SCFD2: variants seen among roughly 807,000 people sequenced by gnomAD.
SCFD2 encodes sec1 family domain containing 2.
In SCFD2, 54 loss-of-function variants were observed where a neutral mutation model predicts 58.9. That is an observed-to-expected ratio of 0.92 (90% CI 0.74 to 1.15). The LOEUF is 1.15. SCFD2 is among the 50% of genes most tolerant of loss of function. The pLI is 0.00. For missense variants in SCFD2, 805 were observed against 836.6 expected, an observed-to-expected ratio of 0.96 and a Z score of 0.47; for synonymous variants, 321 against 335.9, an observed-to-expected ratio of 0.96 and a Z score of 0.49.
At chr4:53,019,479 C>A (rs970480215) in intron 5 of SCFD2, among the ~76,000 whole-genome samples, 1 of 152,172 alleles carries the variant, frequency 6.6e-6, no homozygotes, top group East Asian at 1.9e-4. Flanking sequence ...TACTTTTCTA[C>A]CATAAATAGA....
chr4:53,247,180 G>A (rs1187299505), intron 4 of SCFD2, among the ~76,000 whole-genome samples: 2 of 152,120 alleles, frequency 1.3e-5, no homozygotes, highest in East Asian at 3.9e-4. Flanking sequence ...GATCATTAGA[G>A]AAATGCAAAT....
intron 5 of SCFD2, among the ~76,000 whole-genome samples, chr4:53,104,489 AC>A (rs1724928027): frequency 6.6e-6 from 1 of 152,220 alleles, no homozygotes; most frequent in African/African-American, 2.4e-5. Flanking sequence ...GTAATATGGC[AC>A]CCTGGATGGA....
At chr4:53,008,731 A>G (rs1048430215) in intron 5 of SCFD2, among the ~76,000 whole-genome samples, 21 of 152,262 alleles carry the variant, frequency 1.4e-4, no homozygotes, top group African/African-American at 5.1e-4. Context: ...TTGAATGCTT[A>G]GCCAGGTTTT....
chr4:52,978,411 A>G (rs1298853395), intron 5 of SCFD2, among the ~76,000 whole-genome samples: 1 of 152,174 alleles, frequency 6.6e-6, no homozygotes, highest in Non-Finnish European at 1.5e-5. Flanking sequence ...TGAATTATGT[A>G]TATCTTAGCC....
In SCFD2 at chr4:53,214,147, A is replaced by T. The variant is rs531669074; in HGVS notation, c.1311+59679T>A. On this transcript the variant is annotated intron_variant, in intron 4 of 8. Transcript: ENST00000401642. ...GCATGTGTCTTTATAGCAGCATGAT[A>T]TATACTCCTTTGGGTATATACCCAG... Among the ~76,000 whole-genome samples, 368 of 152,180 alleles carry T rather than the reference A, an allele frequency of 2.4e-3. 5 individuals are homozygous for T. The highest frequency in any genetic ancestry group is 8.2e-3 in the African/African-American group (339 of 41,488).
intron 5 of SCFD2, chr4:52,945,756 A>C (rs941429451): frequency 2.0e-5 from 3 of 152,224 alleles, no homozygotes; most frequent in African/African-American, 7.2e-5. Flanking sequence ...GCCATGAAAA[A>C]TAACGTAAGT....
At chr4:52,999,055 G>T (rs1451513989) in intron 5 of SCFD2, among the ~76,000 whole-genome samples, 1 of 152,018 alleles carries the variant, frequency 6.6e-6, no homozygotes, top group Non-Finnish European at 1.5e-5. Flanking sequence ...TAGCAATAAG[G>T]GTTAATACAT....
chr4:53,097,187 T>C (rs1364002756), intron 5 of SCFD2, among the ~76,000 whole-genome samples: 1 of 152,196 alleles, frequency 6.6e-6, no homozygotes, highest in African/African-American at 2.4e-5. Flanking sequence ...AGGATTGTCT[T>C]GGCAATGGGG....
At chr4:52,955,674 T>C (rs1210436823) in intron 5 of SCFD2, among the ~76,000 whole-genome samples, 1 of 152,210 alleles carries the variant, frequency 6.6e-6, no homozygotes, top group Admixed American at 6.5e-5. Flanking sequence ...ATTGGCTTTG[T>C]GTTAACACAA....
intron 3 of SCFD2, among the ~76,000 whole-genome samples, chr4:53,293,879 C>T (rs1731929687): frequency 1.3e-5 from 2 of 151,652 alleles, no homozygotes; most frequent in Admixed American, 6.6e-5. Context: ...ATCCCTCCCC[C>T]AGCCTCCCAC....
chr4:52,981,690 A>G (rs1245811370), intron 5 of SCFD2, among the ~76,000 whole-genome samples: 4 of 152,130 alleles, frequency 2.6e-5, no homozygotes, highest in African/African-American at 9.7e-5. Context: ...ACCACACAGG[A>G]AGGCCCCGAG....
chr4:53,229,060 CA>C (rs1291048327), intron 4 of SCFD2, among the ~76,000 whole-genome samples: 4 of 152,132 alleles, frequency 2.6e-5, no homozygotes, highest in Non-Finnish European at 5.9e-5. Context: ...ATCCACCTTA[CA>C]AGGGATGTGA....
intron 4 of SCFD2, among the ~76,000 whole-genome samples, chr4:53,269,260 G>A (rs1731087052): frequency 6.6e-6 from 1 of 152,154 alleles, no homozygotes; most frequent in African/African-American, 2.4e-5. Context: ...GGGATGTCGA[G>A]GCTACACTAA....
rs530587736 is a variant in SCFD2 at position 53,213,925 on chromosome 4, G to C, written c.1311+59901C>G. Among the ~76,000 whole-genome samples, 3 of 152,036 alleles carry C rather than the reference G, an allele frequency of 2.0e-5. No homozygotes were observed. The South Asian group carries it at 6.2e-4, about 32-fold the overall frequency. On this transcript the variant is annotated intron_variant, in intron 4 of 8. Coordinates refer to ENST00000401642, the MANE Select transcript of SCFD2 (RefSeq NM_152540.4). ...GTGGTGTTTGGTTTTTTGTCCTTGC[G>C]ATAGTTTGCTGAGAATGATGGTTTC...
chr4:53,218,462 A>G (rs776326372), intron 4 of SCFD2, among the ~76,000 whole-genome samples: 1 of 152,144 alleles, frequency 6.6e-6, no homozygotes, highest in Non-Finnish European at 1.5e-5. Flanking sequence ...CATTCGTCAC[A>G]TGGTTCTCAT....
At chr4:53,161,623 A>G (rs989860550) in intron 4 of SCFD2, among the ~76,000 whole-genome samples, 7 of 152,168 alleles carry the variant, frequency 4.6e-5, no homozygotes, top group Non-Finnish European at 8.8e-5. Flanking sequence ...CTGTGCTTCA[A>G]ACAGAACTGC....
intron 7 of SCFD2, among the ~76,000 whole-genome samples, chr4:52,900,572 A>G (rs935859986): frequency 3.9e-5 from 6 of 152,216 alleles, no homozygotes; most frequent in Non-Finnish European, 7.3e-5. Flanking sequence ...CCTCCCAGTT[A>G]GGCTACTCGG....
At chr4:53,191,566 C>T (rs1283120121) in intron 4 of SCFD2, among the ~76,000 whole-genome samples, 1 of 151,942 alleles carries the variant, frequency 6.6e-6, no homozygotes, top group Non-Finnish European at 1.5e-5. Flanking sequence ...GCCACCGTGC[C>T]CAGCTAATTT....
At chr4:53,091,244 T>G (rs983018240) in intron 5 of SCFD2, among the ~76,000 whole-genome samples, 3 of 151,938 alleles carry the variant, frequency 2.0e-5, no homozygotes, top group Non-Finnish European at 2.9e-5. Flanking sequence ...GATACAAAGT[T>G]AAAAGAGATG....
Sources: gnomAD v4.1 joint callset for allele counts (sites outside exome capture counted in the v4.1 genomes callset) on GRCh38, gnomAD v4.1.1 for gene constraint, MANE v1.5 for transcripts, NCBI Gene and HGNC (gene_info 2026-07-23, HGNC 2026-07-21) for gene names.